The following NKAIN2 variants were observed in gnomAD, a reference collection of about 807,000 sequenced individuals.
NKAIN2 encodes sodium/potassium transporting ATPase interacting 2, also known as sodium/potassium-transporting ATPase subunit beta-1-interacting protein 2.
Under a neutral mutation model 32.6 loss-of-function variants are expected in NKAIN2, and 14 were observed. The observed-to-expected ratio is 0.43, with a 90% CI of 0.28 to 0.67. NKAIN2 has a LOEUF of 0.67. Ranked by LOEUF, NKAIN2 falls within the 30% of genes least tolerant of loss-of-function variation. The pLI, the probability that NKAIN2 is intolerant of heterozygous loss-of-function variation, is 0.17. For missense variants in NKAIN2, 198 were observed against 258.3 expected (o/e 0.77, Z 1.60); for synonymous variants, 80 against 87.2 (o/e 0.92, Z 0.46).
At chr6:124,601,474 T>A (rs1782305457) in intron 3 of NKAIN2, among the ~76,000 whole-genome samples, 1 of 152,016 alleles carries the variant, frequency 6.6e-6, no homozygotes, top group African/African-American at 2.4e-5. Context: ...ATGCCACATA[T>A]CAAGCTTATT....
intron 1 of NKAIN2, among the ~76,000 whole-genome samples, chr6:124,116,126 TTC>T (rs1297850424): frequency 6.6e-6 from 1 of 152,118 alleles, no homozygotes; most frequent in East Asian, 1.9e-4. Context: ...ATATCAGTTT[TTC>T]AGATAAAACG....
chr6:124,704,676 C>T (rs1774964944), intron 4 of NKAIN2, among the ~76,000 whole-genome samples: 1 of 151,698 alleles, frequency 6.6e-6, no homozygotes, highest in African/African-American at 2.4e-5. Context: ...GCATATGATA[C>T]ACCCTCCTGG....
At chr6:124,102,289 C>A (rs1165707491) in intron 1 of NKAIN2, among the ~76,000 whole-genome samples, 1 of 152,166 alleles carries the variant, frequency 6.6e-6, no homozygotes, top group Non-Finnish European at 1.5e-5. Context: ...ATGCCTGGGC[C>A]TAAACTAGGT....
intron 1 of NKAIN2, among the ~76,000 whole-genome samples, chr6:123,844,059 C>T (rs930245275): frequency 6.6e-6 from 1 of 152,082 alleles, no homozygotes; most frequent in African/African-American, 2.4e-5. Flanking sequence ...TATGAGAAGG[C>T]CTCTGCCCTG....
At chr6:123,975,768 T>A (rs961498756) in intron 1 of NKAIN2, among the ~76,000 whole-genome samples, 8 of 152,082 alleles carry the variant, frequency 5.3e-5, no homozygotes, top group Admixed American at 5.2e-4. Flanking sequence ...TCCACACTCA[T>A]GACATAATAA....
rs868580799 is a variant in NKAIN2, at chr6:124,208,861, A to G, written c.55-74144A>G. Among the ~76,000 whole-genome samples, 3 of 151,742 alleles carry G rather than the reference A, an allele frequency of 2.0e-5. No homozygotes were observed. In the South Asian group the frequency reaches 6.2e-4, roughly 31 times the overall value. On this transcript the variant is annotated intron_variant, in intron 1 of 6. Coordinates refer to ENST00000368417, the MANE Select transcript of NKAIN2 (RefSeq NM_001040214.3). Reference sequence around the variant, plus strand: ...GGATGCATAATAGTTGTAGATATTTATGGGGTATATATGATATTTTGATGC... The same window carrying G: ...GGATGCATAATAGTTGTAGATATTTGTGGGGTATATATGATATTTTGATGC...
intron 1 of NKAIN2, among the ~76,000 whole-genome samples, chr6:123,951,534 T>C (rs184124330): frequency 1.3e-4 from 20 of 152,138 alleles, no homozygotes; most frequent in Non-Finnish European, 2.4e-4. Context: ...CTTTTTACCA[T>C]TTTTGACTTA....
intron 1 of NKAIN2, among the ~76,000 whole-genome samples, chr6:124,265,817 T>G (rs1469261986): frequency 6.6e-6 from 1 of 152,204 alleles, no homozygotes; most frequent in Non-Finnish European, 1.5e-5. Context: ...ACCTGGGTGA[T>G]GTCACACCAG....
At chr6:124,607,215 A>G (rs1187762425) in intron 3 of NKAIN2, among the ~76,000 whole-genome samples, 3 of 152,176 alleles carry the variant, frequency 2.0e-5, no homozygotes, top group African/African-American at 7.2e-5. Context: ...AAATACTAAT[A>G]AAGTGTGATT....
intron 1 of NKAIN2, among the ~76,000 whole-genome samples, chr6:123,926,064 A>T (rs182765227): frequency 6.6e-6 from 1 of 152,234 alleles, no homozygotes; most frequent in East Asian, 1.9e-4. Flanking sequence ...CTCTTGTCTA[A>T]AGGCACTAAT....
At chr6:123,961,243 TACA>T (rs1000720796) in intron 1 of NKAIN2, among the ~76,000 whole-genome samples, 13 of 152,290 alleles carry the variant, frequency 8.5e-5, no homozygotes, top group African/African-American at 2.6e-4. Context: ...TCTCATTTTC[TACA>T]ACAACAAAAA....
In NKAIN2 at chr6:124,461,405, A is replaced by G. The variant is rs565745889; in HGVS notation, c.273+106058A>G. Among the ~76,000 whole-genome samples the G allele has an allele frequency of 2.6e-5, 4 of 151,880 alleles. No homozygotes were observed. In the East Asian group the frequency reaches 7.7e-4, roughly 29 times the overall value. ...CAGCCCATTTATTTACTTTTCTCCT[A>G]TACACGTTTTACTTTTCTACCAACT... On this transcript the variant is annotated intron_variant, in intron 3 of 6. Coordinates refer to ENST00000368417, the MANE Select transcript of NKAIN2 (RefSeq NM_001040214.3).
At chr6:124,168,094 A>G (rs1026731299) in intron 1 of NKAIN2, among the ~76,000 whole-genome samples, 19 of 152,192 alleles carry the variant, frequency 1.2e-4, no homozygotes, top group African/African-American at 4.1e-4. Flanking sequence ...TTGAAGCAAA[A>G]TCAAATTAGT....
At chr6:123,872,904 T>C (rs944705718) in intron 1 of NKAIN2, among the ~76,000 whole-genome samples, 2 of 152,172 alleles carry the variant, frequency 1.3e-5, no homozygotes, top group South Asian at 4.1e-4. Flanking sequence ...CTAAAATTAT[T>C]ATTGGTCAAT....
At chr6:124,217,455 G>A (rs1051962879) in intron 1 of NKAIN2, among the ~76,000 whole-genome samples, 9 of 151,936 alleles carry the variant, frequency 5.9e-5, no homozygotes, top group Non-Finnish European at 1.2e-4. Context: ...GTCTTTCAGG[G>A]GGTGTTTTGG....
chr6:124,126,509 T>C (rs1157029513), intron 1 of NKAIN2, among the ~76,000 whole-genome samples: 2 of 152,234 alleles, frequency 1.3e-5, no homozygotes, highest in Non-Finnish European at 2.9e-5. Flanking sequence ...CTCTATCTAC[T>C]ATTGATGAAT....
chr6:124,342,568 G>A (rs62434710), intron 2 of NKAIN2, among the ~76,000 whole-genome samples: 2 of 151,772 alleles, frequency 1.3e-5, no homozygotes, highest in South Asian at 2.1e-4. Context: ...AGCACAGTGG[G>A]ATGATCTTGG....
chr6:124,308,750 C>T (rs1796609501), intron 2 of NKAIN2, among the ~76,000 whole-genome samples: 1 of 152,048 alleles, frequency 6.6e-6, no homozygotes, highest in African/African-American at 2.4e-5. Context: ...GTATATTTAC[C>T]CATTTTATGG....
intron 3 of NKAIN2, among the ~76,000 whole-genome samples, chr6:124,560,373 C>T (rs1166515285): frequency 1.3e-5 from 2 of 152,172 alleles, no homozygotes; most frequent in Non-Finnish European, 2.9e-5. Flanking sequence ...TGAGGCCTCC[C>T]CAGCCATGCT....
Sources: allele counts gnomAD v4.1 joint callset (sites outside exome capture counted in the v4.1 genomes callset), GRCh38; gene constraint gnomAD v4.1.1; transcripts MANE v1.5; gene names NCBI Gene and HGNC (gene_info 2026-07-23, HGNC 2026-07-21).